PPM1D: variants seen among roughly 807,000 people sequenced by gnomAD.
PPM1D encodes the protein protein phosphatase, Mg2+/Mn2+ dependent 1D, also known as protein phosphatase 1D.
Under a neutral mutation model 58.3 loss-of-function variants are expected in PPM1D, and 52 were observed. The ratio of observed to expected loss-of-function variants is 0.89; its 90% confidence interval spans 0.71 to 1.12. PPM1D has a LOEUF of 1.12. PPM1D is among the 50% of genes most tolerant of loss of function. The pLI is 0.00. For synonymous variants in PPM1D, 278 were observed against 285.1 expected (o/e 0.98, Z 0.25); for missense variants, 564 against 777.2 (o/e 0.73, Z 3.26).
intron 3 of PPM1D, among the ~76,000 whole-genome samples, chr17:60,642,386 G>A (rs1234227990): frequency 7.0e-6 from 1 of 142,384 alleles, no homozygotes; most frequent in Non-Finnish European, 1.5e-5. Flanking sequence ...ACATTTAAAG[G>A]AGTTTAATTG....
At chr17:60,657,010 A>T in intron 5 of PPM1D, 169 bp downstream of exon 5, 1 of 1,540,136 alleles carries the variant, frequency 6.5e-7, no homozygotes, top group Non-Finnish European at 8.7e-7. Context: ...TACTAATCTG[A>T]ATGCCAGCCA....
Position 60,623,759 on chromosome 17 carries a change from T to A in PPM1D, c.701+10T>A. 1 of 1,612,308 alleles carries A rather than the reference T, an allele frequency of 6.2e-7. No homozygotes were observed. Among genetic ancestry groups the A allele is most frequent in the Non-Finnish European group, 8.5e-7 (1 of 1,178,462 alleles). On this transcript the variant is annotated intron_variant, in intron 2 of 5. Transcript: ENST00000305921. ...AAGGACTTGGTGGGAGGTAACATTC[T>A]GTCGTTTTCTCTTTCCTCTTTTGGT...
chr17:60,652,036 A>T (rs1241102058), intron 4 of PPM1D, among the ~76,000 whole-genome samples: 1 of 152,250 alleles, frequency 6.6e-6, no homozygotes, highest in Non-Finnish European at 1.5e-5. Context: ...ACTTTAAAAA[A>T]TTCGAAGTAT....
At chr17:60,617,342 T>G (rs549714692) in intron 1 of PPM1D, among the ~76,000 whole-genome samples, 13 of 152,092 alleles carry the variant, frequency 8.5e-5, no homozygotes, top group South Asian at 4.1e-4. Flanking sequence ...GAAGTTTTTT[T>G]TTTGTTTGTT....
rs1183527930 is a variant in PPM1D, at chr17:60,600,272, G to C, written c.-143G>C. The C allele has an allele frequency of 7.8e-6, 11 of 1,408,412 alleles. No homozygotes were observed. The highest frequency in any genetic ancestry group is 2.6e-5 in the East Asian group (1 of 38,322). 87.2% of individuals were successfully genotyped at this position (1,408,412 alleles called of 1,614,324 possible). Reference sequence around the variant, plus strand: ...TCGCGGACAAGTCCAGACATCGCGCGCCCCCCCTTCTCCGGGTCCGCCCCC... The same window carrying C: ...TCGCGGACAAGTCCAGACATCGCGCCCCCCCCCTTCTCCGGGTCCGCCCCC... On this transcript the variant is annotated 5_prime_UTR_variant, in exon 1 of 6. Coordinates refer to ENST00000305921, the MANE Select transcript of PPM1D (RefSeq NM_003620.4).
At chr17:60,621,297 A>C (rs190550002) in intron 1 of PPM1D, among the ~76,000 whole-genome samples, 1 of 152,210 alleles carries the variant, frequency 6.6e-6, no homozygotes, top group African/African-American at 2.4e-5. Context: ...GTATGGTATA[A>C]GACAAGGGTA....
intron 4 of PPM1D, among the ~76,000 whole-genome samples, chr17:60,650,900 A>G (rs896595304): frequency 6.6e-6 from 1 of 152,028 alleles, no homozygotes; most frequent in African/African-American, 2.4e-5. Context: ...GGGCTCTATG[A>G]TTGTACTTGT....
chr17:60,636,824 T>A (rs192705037), intron 3 of PPM1D, among the ~76,000 whole-genome samples: 20 of 152,016 alleles, frequency 1.3e-4, no homozygotes, highest in Admixed American at 1.3e-3. Context: ...TACAGGTGCA[T>A]GCCATCACAC....
intron 2 of PPM1D, among the ~76,000 whole-genome samples, chr17:60,626,651 C>A (rs1255708716): frequency 6.6e-6 from 1 of 152,070 alleles, no homozygotes; most frequent in Non-Finnish European, 1.5e-5. Flanking sequence ...ACCTCAGCCT[C>A]CCAAAGTGCT....
rs1346967683 is a variant in PPM1D, at chr17:60,613,898, C to CG, written c.473-9623_473-9622insG. Among the ~76,000 whole-genome samples, 25 of 146,504 alleles carry CG rather than the reference C, an allele frequency of 1.7e-4. No individual in the cohort carries two copies. The East Asian group carries it at 5.3e-3, about 31-fold the overall frequency. On this transcript the variant is annotated intron_variant, in intron 1 of 5. Coordinates refer to ENST00000305921, the MANE Select transcript of PPM1D (RefSeq NM_003620.4). ...AGCCTGCCATACCTGAGGCCCCCCC[C>CG]CCGCCACCCCCCCGCCTCACACAGC...
chr17:60,645,019 A>G (rs1191830036), intron 3 of PPM1D, among the ~76,000 whole-genome samples: 5 of 152,200 alleles, frequency 3.3e-5, no homozygotes, highest in South Asian at 2.1e-4. Flanking sequence ...AGAAGAAACA[A>G]TCCCTTCTTC....
In PPM1D at chr17:60,663,312, TGA is replaced by T; in HGVS notation, c.1579_1580del (p.Glu527LysfsTer8). 1 of 1,614,138 alleles carries T rather than the reference TGA, an allele frequency of 6.2e-7. No individual in the cohort carries two copies. Among genetic ancestry groups the T allele is most frequent in the Non-Finnish European group, 8.5e-7 (1 of 1,180,022 alleles). Reference sequence around the variant, plus strand: ...CTGGCCAAATGAAAGCCCAAGAAATTGAAAGAACCCCTCCAACAAACTTTAAA... The same window carrying T: ...CTGGCCAAATGAAAGCCCAAGAAATTAAGAACCCCTCCAACAAACTTTAAA... Reference protein sequence around the residue: ...TPGQMKAQEIERTPPTNFKRT... With the variant: ...TPGQMKAQEIXRTPPTNFKRT... On this transcript the variant is annotated frameshift_variant, in exon 6 of 6. Coordinates refer to ENST00000305921, the MANE Select transcript of PPM1D (RefSeq NM_003620.4). LOFTEE classifies it high-confidence loss of function.
intron 3 of PPM1D, among the ~76,000 whole-genome samples, chr17:60,642,321 GA>G (rs1402310323): frequency 6.2e-5 from 9 of 145,542 alleles, no homozygotes; most frequent in African/African-American, 2.3e-4. Flanking sequence ...AGTCTATATA[GA>G]GATAAAAAAT....
chr17:60,661,085 G>A (rs1598414728), intron 5 of PPM1D, among the ~76,000 whole-genome samples: 1 of 152,050 alleles, frequency 6.6e-6, no homozygotes, highest in East Asian at 1.9e-4. Context: ...TGGGCATGGT[G>A]GCGCATGCCT....
intron 4 of PPM1D, among the ~76,000 whole-genome samples, chr17:60,649,127 T>TCA (rs1235158454): frequency 6.6e-6 from 1 of 151,828 alleles, no homozygotes; most frequent in East Asian, 1.9e-4. Flanking sequence ...GTCACTATGT[T>TCA]GCCCAGGCTG....
intron 2 of PPM1D, among the ~76,000 whole-genome samples, chr17:60,631,230 G>A (rs1035878560): frequency 5.9e-5 from 9 of 152,068 alleles, no homozygotes; most frequent in Admixed American, 2.6e-4. Flanking sequence ...TGAGGTGGGA[G>A]CATCACTTGA....
chr17:60,636,852 AT>A (rs1555646762), intron 3 of PPM1D, among the ~76,000 whole-genome samples: 1 of 151,736 alleles, frequency 6.6e-6, no homozygotes, highest in Non-Finnish European at 1.5e-5. Context: ...ATTTTTAAAA[AT>A]TTTTTGTAGA....
At position 60,648,036 on chromosome 17, in the gene PPM1D, A is replaced by G. The variant is rs1416174213; in HGVS notation, c.971A>G (p.Asp324Gly). The change falls in exon 4 of 6, where the codon GAT (aspartate) becomes GGT (glycine). Residue 324 changes from aspartate (D) to glycine (G), a missense_variant. This residue lies in a region of PPM1D where 34 missense variants were observed against 34.3 expected (regional missense o/e 0.99). Transcript: ENST00000305921. ...DGLWNMIPPQ[D>G]AISMCQDQEE... is the part of the protein sequence containing the mutation. ...CTTTGGAATATGATTCCACCACAAGATGCCATCTCAATGTGCCAGGACCAA... is the reference window on the plus strand; with the variant it reads ...CTTTGGAATATGATTCCACCACAAGGTGCCATCTCAATGTGCCAGGACCAA... 6.2e-7 allele frequency: 1 copy of G among 1,613,814 alleles called. No individual in the cohort carries two copies. Among genetic ancestry groups the G allele is most frequent in the Non-Finnish European group, 8.5e-7 (1 of 1,179,962 alleles).
chr17:60,663,476 G>A lies in PPM1D; in HGVS notation c.1742G>A (p.Arg581Gln), dbSNP rs200809297. ...QRKNSVKLTM[R>Q]RRLRGQKKIG... The stretch of plus-strand genomic sequence containing the variant: ...AAGAACTCTGTTAAACTCACCATGC[G>A]ACGCAGACTTAGGGGCCAGAAGAAA... Residue 581 changes from arginine to glutamine, a missense_variant, in exon 6 of 6, where the codon CGA becomes CAA. Coordinates refer to ENST00000305921, the MANE Select transcript of PPM1D (RefSeq NM_003620.4). The A allele has an allele frequency of 7.4e-6, 12 of 1,613,852 alleles. No individual in the cohort carries two copies. In the East Asian group the frequency reaches 8.9e-5, roughly 12 times the overall value.
Sources: allele counts gnomAD v4.1 joint callset (sites outside exome capture counted in the v4.1 genomes callset), GRCh38; gene constraint gnomAD v4.1.1; regional missense constraint gnomAD v4.1.1; transcripts MANE v1.5; gene names NCBI Gene and HGNC (gene_info 2026-07-23, HGNC 2026-07-21).